Variants in CEP57L1 observed in about 807,000 individuals in gnomAD.
The protein encoded by CEP57L1 is centrosomal protein 57 like 1.
A neutral mutation model predicts 61.0 loss-of-function variants in CEP57L1; 37 were observed. The ratio of observed to expected loss-of-function variants is 0.61; its 90% CI spans 0.47 to 0.80. The LOEUF (loss-of-function observed/expected upper bound fraction) is 0.80. CEP57L1 is among the 30% of genes least tolerant of loss of function. The pLI is 0.00. For missense variants in CEP57L1, 422 were observed against 524.7 expected (o/e 0.80, Z 1.91); for synonymous variants, 137 against 162.3 (o/e 0.84, Z 1.19).
At chr6:109,096,433 A>G (rs1781716644) in intron 1 of CEP57L1, among the ~76,000 whole-genome samples, 1 of 152,208 alleles carries the variant, frequency 6.6e-6, no homozygotes, top group Non-Finnish European at 1.5e-5. Context: ...GGAAATCTTC[A>G]TCCCAGGGGA....
At chr6:109,131,577 T>C (rs987871758) in intron 1 of CEP57L1, among the ~76,000 whole-genome samples, 2 of 151,870 alleles carry the variant, frequency 1.3e-5, no homozygotes, top group African/African-American at 4.8e-5. Flanking sequence ...ATCTCTAAAG[T>C]ATGTCTAAAG....
At position 109,159,075 on chromosome 6, in the gene CEP57L1, T is replaced by C. The variant is rs770571618; in HGVS notation, c.795T>C (p.Phe265=). The C allele has an allele frequency of 3.7e-6, 6 of 1,614,016 alleles. No homozygotes were observed. The South Asian group carries it at 6.6e-5, about 18-fold the overall frequency. The change falls in exon 8 of 11, where the codon TTT becomes TTC. Residue 265 remains phenylalanine (F), a synonymous_variant. Transcript: ENST00000517392. ...RRPPWQICSK[F]GALPFVAEKM... ...CACCTTGGCAAATTTGTTCAAAGTT[T>C]GGAGCACTGCCTTTTGTGGCTGAAA...
chr6:109,105,705 A>G (rs1173461923), intron 1 of CEP57L1, among the ~76,000 whole-genome samples: 2 of 152,096 alleles, frequency 1.3e-5, no homozygotes, highest in African/African-American at 2.4e-5. Context: ...GTGCACATGT[A>G]TGTTTTGAAA....
intron 1 of CEP57L1, among the ~76,000 whole-genome samples, chr6:109,116,106 T>C (rs574790303): frequency 6.7e-6 from 1 of 149,980 alleles, no homozygotes; most frequent in Non-Finnish European, 1.5e-5. Flanking sequence ...TTTTATTTTA[T>C]TTTATTTTAT....
rs748358761 is a variant in CEP57L1 at position 109,146,763 on chromosome 6, A to G, written c.166A>G (p.Ile56Val). ...ACAAAATTTTTTTTCAACAGCTCTT[A>G]TTTTAGCCTTAAAAACTCTTCAGGA... ...ILHSPNSQAL[I>V]LALKTLQEKI... is the part of the protein sequence containing the mutation. The change falls in exon 3 of 11, where the codon ATT (isoleucine) becomes GTT (valine). Residue 56 changes from isoleucine to valine, a missense_variant. Transcript: ENST00000517392. The G allele has an allele frequency of 1.0e-5, 16 of 1,563,828 alleles. No individual in the cohort carries two copies. Among genetic ancestry groups the G allele is most frequent in the Middle Eastern group, 1.7e-4 (1 of 5,840 alleles).
rs936402922 is a variant in CEP57L1, at chr6:109,106,894, C to T, written c.-4+11319C>T. On this transcript the variant is annotated intron_variant, in intron 1 of 10. Coordinates refer to ENST00000517392, the MANE Select transcript of CEP57L1 (RefSeq NM_001271852.3). ...GGTAAAGGTTGCAGTGAGCTGAAAT[C>T]GCACCACTTCACTCCAACTTAGGTG... Among the ~76,000 whole-genome samples the T allele has an allele frequency of 4.6e-5, 7 of 152,130 alleles. No homozygotes were observed. In the South Asian group the frequency reaches 6.2e-4, roughly 13 times the overall value.
chr6:109,146,541 A>G (rs1405702380), intron 2 of CEP57L1, among the ~76,000 whole-genome samples: 1 of 152,060 alleles, frequency 6.6e-6, no homozygotes, highest in Non-Finnish European at 1.5e-5. Context: ...CACTAAATAC[A>G]ATAATAGATA....
chr6:109,121,423 T>C (rs1419744378), intron 1 of CEP57L1, among the ~76,000 whole-genome samples: 3 of 152,210 alleles, frequency 2.0e-5, no homozygotes, highest in Non-Finnish European at 4.4e-5. Flanking sequence ...ATTACAGAAG[T>C]TCTTAAATAA....
At chr6:109,111,796 C>T (rs1397936106) in intron 1 of CEP57L1, among the ~76,000 whole-genome samples, 2 of 152,054 alleles carry the variant, frequency 1.3e-5, no homozygotes, top group Non-Finnish European at 2.9e-5. Context: ...GTTTTTTTGT[C>T]ATTGGTTCTG....
intron 1 of CEP57L1, among the ~76,000 whole-genome samples, chr6:109,102,957 TG>T (rs1183942762): frequency 1.3e-5 from 2 of 152,204 alleles, no homozygotes; most frequent in East Asian, 3.9e-4. Context: ...GGCTGAGTGC[TG>T]TAAGTGAAAA....
intron 1 of CEP57L1, among the ~76,000 whole-genome samples, chr6:109,125,520 A>AT (rs1473152669): frequency 4.2e-4 from 60 of 142,108 alleles, no homozygotes; most frequent in African/African-American, 1.4e-3. Flanking sequence ...ATATATATAT[A>AT]TATATTTTTT....
At position 109,145,249 on chromosome 6, in the gene CEP57L1, G is replaced by T. The variant is rs61738593; in HGVS notation, c.28G>T (p.Val10Leu). 2,188 of 1,593,730 alleles carry T rather than the reference G, an allele frequency of 1.4e-3. 23 individuals are homozygous for T. In the African/African-American group the frequency reaches 0.027, roughly 19 times the overall value. MDSELMHSI[V>L]GSYHKPPERV... ...GGATTCTGAATTAATGCATAGTATAGTAGGAAGCTATCATAAACCTCCAGA... is the reference window on the plus strand; with the variant it reads ...GGATTCTGAATTAATGCATAGTATATTAGGAAGCTATCATAAACCTCCAGA... The change falls in exon 2 of 11, where the codon GTA becomes TTA. Residue 10 changes from valine to leucine, a missense_variant. Physicochemically the swap from Val to Leu is conservative, Grantham distance 32. Transcript: ENST00000517392.
intron 3 of CEP57L1, among the ~76,000 whole-genome samples, chr6:109,149,183 A>G (rs1027740329): frequency 1.3e-5 from 2 of 152,174 alleles, no homozygotes; most frequent in African/African-American, 4.8e-5. Context: ...TGTAGACATG[A>G]AGTCCTTGCC....
At chr6:109,103,783 C>T (rs1007787068) in intron 1 of CEP57L1, among the ~76,000 whole-genome samples, 38 of 152,072 alleles carry the variant, frequency 2.5e-4, no homozygotes, top group African/African-American at 8.9e-4. Flanking sequence ...CGAGCTCTAG[C>T]AATATACGCA....
rs1716208341 is a variant in CEP57L1, at chr6:109,171,017, T to C, written c.*8047T>C. On this transcript the variant is annotated 3_prime_UTR_variant, in exon 11 of 11. Coordinates refer to ENST00000517392, the MANE Select transcript of CEP57L1 (RefSeq NM_001271852.3). Reference sequence around the variant, plus strand: ...GTATATAACTTCTCCTTTATAAGCTTAGAAAAATTTATATCAGTATTACAT... The same window carrying C: ...GTATATAACTTCTCCTTTATAAGCTCAGAAAAATTTATATCAGTATTACAT... Among the ~76,000 whole-genome samples the C allele has an allele frequency of 6.6e-6, 1 of 152,202 alleles. No homozygotes were observed. Among genetic ancestry groups the C allele is most frequent in the Admixed American group, 6.5e-5 (1 of 15,280 alleles).
rs562576395 is a variant in CEP57L1 at position 109,118,182 on chromosome 6, C to A, written c.-4+22607C>A. Reference sequence around the variant, plus strand: ...TCCTTAGTAGCTGGAATTACAGGCGCCCACCACCAACTCCAGCTAATTTTT... The same window carrying A: ...TCCTTAGTAGCTGGAATTACAGGCGACCACCACCAACTCCAGCTAATTTTT... On this transcript the variant is annotated intron_variant, in intron 1 of 10. Transcript: ENST00000517392. 2.0e-5 allele frequency among the ~76,000 whole-genome samples: 3 copies of A among 152,150 alleles called. No homozygotes were observed. The East Asian group carries it at 5.8e-4, about 29-fold the overall frequency.
intron 1 of CEP57L1, among the ~76,000 whole-genome samples, chr6:109,101,463 C>T (rs1294381557): frequency 6.6e-6 from 1 of 152,086 alleles, no homozygotes; most frequent in Non-Finnish European, 1.5e-5. Context: ...TAGTTGCTTC[C>T]AGTTTTTATC....
chr6:109,112,990 A>C (rs1340681018), intron 1 of CEP57L1, among the ~76,000 whole-genome samples: 1 of 152,044 alleles, frequency 6.6e-6, no homozygotes, highest in Non-Finnish European at 1.5e-5. Flanking sequence ...TATTCTGTTG[A>C]TTTGGGGTGG....
chr6:109,142,348 A>G (rs895329600), intron 1 of CEP57L1, among the ~76,000 whole-genome samples: 4 of 152,216 alleles, frequency 2.6e-5, no homozygotes, highest in Non-Finnish European at 5.9e-5. Flanking sequence ...ATCCTTGGCA[A>G]CCTAACACAG....
Sources: allele counts gnomAD v4.1 joint callset (sites outside exome capture counted in the v4.1 genomes callset), GRCh38; gene constraint gnomAD v4.1.1; transcripts MANE v1.5; gene names NCBI Gene and HGNC (gene_info 2026-07-23, HGNC 2026-07-21).